Variants in KRIT1 observed in about 807,000 individuals in gnomAD.
The protein encoded by KRIT1 is krev interaction trapped protein 1.
KRIT1 carries 45 observed loss-of-function variants against 95.8 expected under a neutral mutation model. That is an observed-to-expected ratio of 0.47 (90% CI 0.37 to 0.60). The LOEUF (loss-of-function observed/expected upper bound fraction) is 0.60, where lower values mean the gene tolerates loss of function less well. Among genes scored for constraint, KRIT1 ranks in the 20% least tolerant of loss-of-function variants. KRIT1 has a pLI of 0.00. For synonymous variants in KRIT1, 282 were observed against 278.8 expected, an observed-to-expected ratio of 1.01 and a Z score of -0.11; for missense variants, 788 against 877.5, an observed-to-expected ratio of 0.90 and a Z score of 1.29.
Position 92,200,649 on chromosome 7 carries a change from G to A in KRIT1, c.*87C>T. On this transcript the variant is annotated 3_prime_UTR_variant, in exon 19 of 19. Coordinates refer to ENST00000394505, the MANE Select transcript of KRIT1 (RefSeq NM_194454.3). ...TTACAGGGGTGAGCCACCATGCTCG[G>A]CCAAAAGTAATATTTTAAGAAATCT... is the stretch of plus-strand genomic sequence containing the variant. 2 of 921,204 alleles carry A rather than the reference G, an allele frequency of 2.2e-6. No homozygotes were observed. The highest frequency in any genetic ancestry group is 3.5e-6 in the Non-Finnish European group (2 of 564,070). The allele number at this position is 921,204 out of a possible 1,614,324, so 57.1% of individuals were successfully genotyped here. A position where few individuals can be genotyped will look rare whatever the true frequency, so the allele number is the denominator to read the frequency against.
intron 17 of KRIT1, among the ~76,000 whole-genome samples, chr7:92,204,544 G>A (rs1208977299): frequency 6.6e-5 from 10 of 151,780 alleles, no homozygotes; most frequent in Non-Finnish European, 1.2e-4. Context: ...TTGTTTTCCT[G>A]CAACTAGATG....
chr7:92,223,066 A>C, intron 12 of KRIT1, 88 bp from the exon 13 acceptor site: 1 of 803,616 alleles, frequency 1.2e-6, no homozygotes, highest in South Asian at 1.5e-5. Flanking sequence ...CATGTGCTTT[A>C]TTATAGATTT....
At position 92,223,518 on chromosome 7, in the gene KRIT1, T is replaced by C. The variant is rs565332381; in HGVS notation, c.1255-540A>G. 2.2e-4 allele frequency among the ~76,000 whole-genome samples: 34 copies of C among 151,932 alleles called. No individual in the cohort carries two copies. In the South Asian group the frequency reaches 7.0e-3, roughly 31 times the overall value. ...TATTTTCTTCTGGATGTTCCAGAAA[T>C]AAGTTTAGTAAACTAAGGAGAATGA... On this transcript the variant is annotated intron_variant, in intron 12 of 18. Coordinates refer to ENST00000394505, the MANE Select transcript of KRIT1 (RefSeq NM_194454.3).
intron 14 of KRIT1, among the ~76,000 whole-genome samples, chr7:92,217,378 T>G (rs1308837834): frequency 6.6e-6 from 1 of 152,212 alleles, no homozygotes; most frequent in Admixed American, 6.5e-5. Context: ...TAGTTCCACA[T>G]AGTTTATATC....
At position 92,225,772 on chromosome 7, in the gene KRIT1, T is replaced by A; in HGVS notation, c.1202A>T (p.Gln401Leu). Residue 401 changes from glutamine (Q) to leucine (L), a missense_variant, in exon 12 of 19, where the codon CAA (glutamine) becomes CTA (leucine). Gln to Leu is a moderately radical substitution (Grantham distance 113). Coordinates refer to ENST00000394505, the MANE Select transcript of KRIT1 (RefSeq NM_194454.3). Reference protein sequence around the residue: ...SPLNICEENKQNNWEEAAKLL... With the variant: ...SPLNICEENKLNNWEEAAKLL... ...TTTTGCAGCTTCTTCCCAGTTGTTT[T>A]GTTTGTTTTCTTCACAAATATTTAA... 6.2e-7 allele frequency: 1 copy of A among 1,611,692 alleles called. No homozygotes were observed. Among genetic ancestry groups the A allele is most frequent in the Non-Finnish European group, 8.5e-7 (1 of 1,177,886 alleles).
At chr7:92,223,183 A>C (rs1367993006) in intron 12 of KRIT1, among the ~76,000 whole-genome samples, 1 of 150,950 alleles carries the variant, frequency 6.6e-6, no homozygotes, top group African/African-American at 2.4e-5. Context: ...TAATCCCAAC[A>C]CTTTGGGAGG....
intron 17 of KRIT1, chr7:92,201,678 C>T (rs1790184471): frequency 2.6e-6 from 1 of 388,678 alleles, no homozygotes; most frequent in Non-Finnish European, 4.8e-6. Context: ...AATGCTATCC[C>T]TCCCCTAGCC....
At chr7:92,228,556 A>G (rs1796665937) in intron 10 of KRIT1, among the ~76,000 whole-genome samples, 2 of 152,108 alleles carry the variant, frequency 1.3e-5, no homozygotes, top group African/African-American at 4.8e-5. Flanking sequence ...TGTTTTACTC[A>G]GGTGATTTGT....
chr7:92,246,011 T>C (rs1353999750), upstream of KRIT1: 1 of 246,064 alleles, frequency 4.1e-6, no homozygotes, highest in East Asian at 1.8e-4. Context: ...CTGCTCCTTT[T>C]CACTGGACCT....
chr7:92,235,214 G>T (rs1798166538), intron 8 of KRIT1, among the ~76,000 whole-genome samples, 189 bp downstream of exon 8: 1 of 152,068 alleles, frequency 6.6e-6, no homozygotes, highest in African/African-American at 2.4e-5. Context: ...TGGCCAGGCT[G>T]GTCTCGAACT....
Position 92,237,723 on chromosome 7 carries a change from T to G in KRIT1, c.299A>C (p.Asp100Ala), listed in dbSNP as rs1420680753. The G allele has an allele frequency of 1.2e-6, 2 of 1,608,890 alleles. No individual in the cohort carries two copies. Among genetic ancestry groups the G allele is most frequent in the Non-Finnish European group, 8.5e-7 (1 of 1,175,718 alleles). The change falls in exon 6 of 19, where the codon GAT (aspartate) becomes GCT (alanine). Residue 100 changes from aspartate to alanine, a missense_variant. Physicochemically the swap from Asp to Ala is moderately radical, Grantham distance 126 (BLOSUM62 -2). Around this residue, in one of 3 missense-constraint regions of KRIT1, gnomAD observed 289 missense variants for 277.5 expected, o/e 1.04. Coordinates refer to ENST00000394505, the MANE Select transcript of KRIT1 (RefSeq NM_194454.3). ...RVVLMKKFPL[D>A]GEKMGREASL... ...TGCTTCTCTGCCCATCTTCTCTCCATCCAGAGGAAATTTTTTCATTAGTAC... is the reference window on the plus strand; with the variant it reads ...TGCTTCTCTGCCCATCTTCTCTCCAGCCAGAGGAAATTTTTTCATTAGTAC...
At chr7:92,221,139 A>C (rs1795054478) in intron 14 of KRIT1, among the ~76,000 whole-genome samples, 2 of 152,182 alleles carry the variant, frequency 1.3e-5, no homozygotes, top group African/African-American at 2.4e-5. Context: ...TGTTTGAGTT[A>C]AGATGAGCTA....
Position 92,221,959 on chromosome 7 carries a change from T to C in KRIT1, c.1506A>G (p.Glu502=), listed in dbSNP as rs1410603575. The C allele has an allele frequency of 1.2e-6, 2 of 1,613,772 alleles. No individual in the cohort carries two copies. Among genetic ancestry groups the C allele is most frequent in the East Asian group, 2.2e-5 (1 of 44,840 alleles). The stretch of plus-strand genomic sequence containing the variant: ...CTCTTCTTAGAAAAAGCTGAGGTGT[T>C]TCCCTTTGAGGATCCAGATTAGTCA... ...AELTNLDPQR[E]TPQLFLRRDV... is the part of the protein sequence containing the mutation. The change falls in exon 14 of 19, where the codon GAA becomes GAG. Residue 502 remains glutamate (E), a synonymous_variant. Coordinates refer to ENST00000394505, the MANE Select transcript of KRIT1 (RefSeq NM_194454.3).
intron 17 of KRIT1, among the ~76,000 whole-genome samples, chr7:92,210,997 T>C (rs1304584339): frequency 6.6e-6 from 1 of 152,152 alleles, no homozygotes; most frequent in African/African-American, 2.4e-5. Context: ...CCACCCCAGT[T>C]AGAATGGCTA....
Position 92,226,517 on chromosome 7 carries a change from A to G in KRIT1, c.1146+9T>C. The G allele has an allele frequency of 6.2e-7, 1 of 1,601,896 alleles. No individual in the cohort carries two copies. The highest frequency in any genetic ancestry group is 8.6e-7 in the Non-Finnish European group (1 of 1,169,050). ...AATATTATTTTTAAAAACCTGGAAAATAACTTACTCTATCCGTTTCTGGGT... is the reference window on the plus strand; with the variant it reads ...AATATTATTTTTAAAAACCTGGAAAGTAACTTACTCTATCCGTTTCTGGGT... On this transcript the variant is annotated intron_variant, in intron 11 of 18. Transcript: ENST00000394505.
Position 92,235,646 on chromosome 7 carries a change from C to T in KRIT1, c.486G>A (p.Lys162=), listed in dbSNP as rs1425646156. 2.5e-6 allele frequency: 4 copies of T among 1,613,430 alleles called. No individual in the cohort carries two copies. The African/African-American group carries it at 5.3e-5, about 22-fold the overall frequency. The change falls in exon 8 of 19, where the codon AAG becomes AAA. Residue 162 remains lysine, a splice_region_variant and synonymous_variant. Transcript: ENST00000394505. ...LTARMLIALD[K]WLDERHAQSH... The stretch of plus-strand genomic sequence containing the variant: ...ATTGTGCATGACGTTCATCTAACCA[C>T]CTGGCAAAATAAAAAAACAGGTAGA...
At chr7:92,201,679 T>TCCCCTAGC in intron 17 of KRIT1, 1 of 384,044 alleles carries the variant, frequency 2.6e-6, no homozygotes, top group Non-Finnish European at 4.9e-6. Flanking sequence ...ATGCTATCCC[T>TCCCCTAGC]CCCCTAGCCC....
intron 15 of KRIT1, 77 bp from the exon 16 acceptor site, chr7:92,214,056 TG>T (rs1252454666): frequency 1.1e-6 from 1 of 889,376 alleles, no homozygotes; most frequent in Non-Finnish European, 1.9e-6. Context: ...CTGTTACAAA[TG>T]GCTTTCAGTA....
chr7:92,226,450 C>T, intron 11 of KRIT1, 76 bp downstream of exon 11: 1 of 1,112,340 alleles, frequency 9.0e-7, no homozygotes, highest in Non-Finnish European at 1.4e-6. Context: ...CTCAAACATA[C>T]AATTTAACAT....
Sources: gnomAD v4.1 joint callset for allele counts (sites outside exome capture counted in the v4.1 genomes callset) on GRCh38, gnomAD v4.1.1 for gene constraint, gnomAD v4.1.1 regional missense constraint, MANE v1.5 for transcripts, NCBI Gene and HGNC (gene_info 2026-07-23, HGNC 2026-07-21) for gene names.